The following PODXL variants were observed in gnomAD, a reference collection of about 807,000 sequenced individuals.
PODXL encodes podocalyxin like.
A neutral mutation model predicts 48.9 loss-of-function variants in PODXL; 20 were observed. The ratio of observed to expected loss-of-function variants is 0.41; its 90% CI spans 0.29 to 0.59. PODXL has a LOEUF of 0.59. Ranked by LOEUF, PODXL falls within the 20% of genes least tolerant of loss-of-function variation. The probability of loss-of-function intolerance (pLI) is 0.31; values close to 1 mark genes in which losing one functional copy is unlikely to be tolerated. For synonymous variants in PODXL, 295 were observed against 287.4 expected (o/e 1.03, Z -0.27); for missense variants, 606 against 675.1 (o/e 0.90, Z 1.13).
chr7:131,525,555 G>A (rs966428107), intron 1 of PODXL, among the ~76,000 whole-genome samples: 1 of 150,834 alleles, frequency 6.6e-6, no homozygotes, highest in Non-Finnish European at 1.5e-5. Context: ...AGCTGAGATC[G>A]TGCCATTGCA....
At chr7:131,506,159 G>A (rs1304551478) in intron 7 of PODXL, 101 bp downstream of exon 7, 1 of 1,541,072 alleles carries the variant, frequency 6.5e-7, no homozygotes, top group African/African-American at 1.4e-5. Flanking sequence ...TCTACATGCA[G>A]GCACATGACG....
At chr7:131,524,983 A>T (rs1207851406) in intron 1 of PODXL, among the ~76,000 whole-genome samples, 1 of 152,200 alleles carries the variant, frequency 6.6e-6, no homozygotes, top group African/African-American at 2.4e-5. Flanking sequence ...GGAAGCCAAA[A>T]GTCTGCACAG....
At chr7:131,522,841 T>A (rs1374420285) in intron 1 of PODXL, among the ~76,000 whole-genome samples, 1 of 152,276 alleles carries the variant, frequency 6.6e-6, no homozygotes, top group East Asian at 1.9e-4. Flanking sequence ...GGTTCATCCA[T>A]GCTAGCATGT....
chr7:131,552,753 G>A (rs1380985772), intron 1 of PODXL, among the ~76,000 whole-genome samples: 1 of 152,130 alleles, frequency 6.6e-6, no homozygotes, highest in Non-Finnish European at 1.5e-5. Context: ...GCACCATGCT[G>A]GGAACACCCA....
At chr7:131,547,981 C>A (rs1429179993) in intron 1 of PODXL, among the ~76,000 whole-genome samples, 1 of 152,240 alleles carries the variant, frequency 6.6e-6, no homozygotes, top group Non-Finnish European at 1.5e-5. Context: ...AGTGGGGGAA[C>A]CCAGGTCCTT....
intron 1 of PODXL, among the ~76,000 whole-genome samples, chr7:131,517,818 A>G (rs886570954): frequency 1.3e-5 from 2 of 151,754 alleles, no homozygotes; most frequent in African/African-American, 2.4e-5. Context: ...CACTCACTGC[A>G]ACCTCCGCTT....
chr7:131,549,743 T>C (rs564883503), intron 1 of PODXL, among the ~76,000 whole-genome samples: 1 of 152,160 alleles, frequency 6.6e-6, no homozygotes, highest in Non-Finnish European at 1.5e-5. Context: ...CTCTTCCCCC[T>C]GAGTGGAGGC....
intron 1 of PODXL, among the ~76,000 whole-genome samples, chr7:131,517,268 T>G (rs957564410): frequency 3.3e-5 from 5 of 152,126 alleles, no homozygotes; most frequent in African/African-American, 1.2e-4. Flanking sequence ...GTTTCCACAG[T>G]GGGCAGCAAG....
At chr7:131,516,580 T>G (rs1797999737) in intron 1 of PODXL, among the ~76,000 whole-genome samples, 1 of 152,090 alleles carries the variant, frequency 6.6e-6, no homozygotes, top group African/African-American at 2.4e-5. Context: ...TCACTCATGC[T>G]CTGGTGTGTC....
chr7:131,535,626 T>G (rs1727826857), intron 1 of PODXL, among the ~76,000 whole-genome samples: 1 of 152,348 alleles, frequency 6.6e-6, no homozygotes, highest in East Asian at 1.9e-4. Context: ...GTCATGGGCC[T>G]GAAGACAACC....
At position 131,511,045 on chromosome 7, in the gene PODXL, GCTGCTTTTC is replaced by G. The variant is rs759834857; in HGVS notation, c.480_488del (p.Lys161_Ser163del). On this transcript the variant is annotated inframe_deletion, in exon 2 of 9. Transcript: ENST00000378555. ...ATGTGAGGTCTGTGGTCACACTGTG[GCTGCTTTTC>G]CCCCCAGAGTTTGTTGTATCTTCTG... is the stretch of plus-strand genomic sequence containing the variant. 3.7e-6 allele frequency: 6 copies of G among 1,614,020 alleles called. No individual in the cohort carries two copies. Among genetic ancestry groups the G allele is most frequent in the Non-Finnish European group, 5.1e-6 (6 of 1,180,032 alleles).
rs148057291 is a variant in PODXL, at chr7:131,555,262, C to G, written c.100+998G>C. Among the ~76,000 whole-genome samples the G allele has an allele frequency of 3.7e-3, 558 of 152,294 alleles. 2 individuals carry two copies. The highest frequency in any genetic ancestry group is 0.013 in the African/African-American group (531 of 41,560). On this transcript the variant is annotated intron_variant, in intron 1 of 8. Coordinates refer to ENST00000378555, the MANE Select transcript of PODXL (RefSeq NM_001018111.3). The stretch of plus-strand genomic sequence containing the variant: ...GATCACACCACCTCAGCTCTTCCTG[C>G]AGACATGTGCTCAGGTGGGCAAAAG...
chr7:131,504,680 C>T (rs1210511454), intron 8 of PODXL, among the ~76,000 whole-genome samples, 172 bp from the exon 9 acceptor site: 4 of 152,142 alleles, frequency 2.6e-5, no homozygotes, highest in African/African-American at 4.8e-5. Context: ...TCAGCCTGCC[C>T]GGAACTAGTT....
rs1797906760 is a variant in PODXL, at chr7:131,511,163, T to C, written c.371A>G (p.Lys124Arg). 1.2e-6 allele frequency: 2 copies of C among 1,613,934 alleles called. No homozygotes were observed. The highest frequency in any genetic ancestry group is 2.2e-5 in the East Asian group (1 of 44,884). Residue 124 changes from lysine to arginine, a missense_variant, in exon 2 of 9, where the codon AAG becomes AGG. Transcript: ENST00000378555. ...AGTGGTGTCTGCACTTTTTGTGCTC[T>C]TGGGGCTCTCGATGGTGGTAGTAGG... ...GNPTTTIESP[K>R]STKSADTTTV...
intron 1 of PODXL, among the ~76,000 whole-genome samples, chr7:131,517,765 CAG>C (rs1798025052): frequency 6.6e-6 from 1 of 151,066 alleles, no homozygotes; most frequent in Non-Finnish European, 1.5e-5. Context: ...TTTTTTGACA[CAG>C]AGTCTCTGTC....
intron 1 of PODXL, among the ~76,000 whole-genome samples, chr7:131,525,079 G>A (rs1045062625): frequency 3.3e-5 from 5 of 152,100 alleles, no homozygotes; most frequent in African/African-American, 1.2e-4. Flanking sequence ...TGAGGGAACT[G>A]GGAGGAGCAG....
intron 1 of PODXL, among the ~76,000 whole-genome samples, chr7:131,554,774 G>T (rs1367060605): frequency 6.6e-6 from 1 of 152,156 alleles, no homozygotes; most frequent in Admixed American, 6.6e-5. Flanking sequence ...ACGCCCTTCT[G>T]GGTGGTTCTA....
rs1173635416 is a variant in PODXL, at chr7:131,511,387, T to C, written c.147A>G (p.Pro49=). The C allele has an allele frequency of 5.6e-6, 9 of 1,604,912 alleles. No homozygotes were observed. Among genetic ancestry groups the C allele is most frequent in the Non-Finnish European group, 5.9e-6 (7 of 1,179,878 alleles). ...TAGCCATGATGGTGACACTGGATGC[T>C]GGAGTCGGTGCTGTTTTGTTAGATG... ...TDSSNKTAPT[P]ASSVTIMATD... The change falls in exon 2 of 9, where the codon CCA becomes CCG. Residue 49 remains proline, a synonymous_variant. Coordinates refer to ENST00000378555, the MANE Select transcript of PODXL (RefSeq NM_001018111.3).
At chr7:131,549,158 G>T (rs1007801) in intron 1 of PODXL, among the ~76,000 whole-genome samples, 54 of 152,136 alleles carry the variant, frequency 3.5e-4, no homozygotes, top group Non-Finnish European at 6.3e-4. Context: ...AGTGTGCTGG[G>T]GGGGAGGGGT....
Sources: gnomAD v4.1 joint callset for allele counts (sites outside exome capture counted in the v4.1 genomes callset) on GRCh38, gnomAD v4.1.1 for gene constraint, MANE v1.5 for transcripts, NCBI Gene and HGNC (gene_info 2026-07-23, HGNC 2026-07-21) for gene names.